The following RBFOX1 variants were observed in gnomAD, a reference collection of about 807,000 sequenced individuals.
RBFOX1 encodes the protein RNA binding fox-1 homolog 1.
A neutral mutation model predicts 57.7 loss-of-function variants in RBFOX1; 8 were observed. That is an observed-to-expected ratio of 0.14 (90% confidence interval 0.08 to 0.25). The LOEUF is 0.25. RBFOX1 is among the 10% of genes least tolerant of loss of function. The pLI is 1.00. For synonymous variants in RBFOX1, 326 were observed against 222.4 expected (o/e 1.47, Z -4.15); for missense variants, 611 against 548.5 (o/e 1.11, Z -1.14).
At chr16:6,375,521 A>C (rs953745587) in intron 2 of RBFOX1, among the ~76,000 whole-genome samples, 3 of 152,068 alleles carry the variant, frequency 2.0e-5, no homozygotes, top group African/African-American at 7.2e-5. Context: ...GAAAATGCCA[A>C]AGCCTGTGCA....
rs112783682 is a variant in RBFOX1 at position 7,438,317 on chromosome 16, G to A, written c.28-79830G>A. On this transcript the variant is annotated intron_variant, in intron 4 of 15. Coordinates refer to ENST00000550418, the MANE Select transcript of RBFOX1 (RefSeq NM_018723.4). Reference sequence around the variant, plus strand: ...GAGATTGTAAAGTGGATGTGAGGGGGTAAAGAGTGCTACTTTGGATGTCAG... The same window carrying A: ...GAGATTGTAAAGTGGATGTGAGGGGATAAAGAGTGCTACTTTGGATGTCAG... 1.2e-3 allele frequency among the ~76,000 whole-genome samples: 185 copies of A among 152,228 alleles called. 2 individuals carry two copies. Among genetic ancestry groups the A allele is most frequent in the South Asian group, 5.4e-3 (26 of 4,818 alleles).
intron 3 of RBFOX1, among the ~76,000 whole-genome samples, chr16:6,953,129 G>C (rs545938128): frequency 6.6e-6 from 1 of 152,096 alleles, no homozygotes; most frequent in East Asian, 1.9e-4. Context: ...GTAGAACTTA[G>C]GTGTATGTAT....
Position 5,467,182 on chromosome 16 carries a change from C to T in RBFOX1, c.220-34C>T, listed in dbSNP as rs2068978172. 2.1e-6 allele frequency: 3 copies of T among 1,446,530 alleles called. No homozygotes were observed. The African/African-American group carries it at 4.4e-5, about 21-fold the overall frequency. The allele number at this position is 1,446,530 out of a possible 1,614,324, so 89.6% of individuals were successfully genotyped here. A position where few individuals can be genotyped will look rare whatever the true frequency, so the allele number is the denominator to read the frequency against. On this transcript the variant is annotated intron_variant, in intron 1 of 2. Coordinates refer to the RBFOX1 transcript ENST00000585867. ...TGTAGACTCAATGTTTCTTCTCTCT[C>T]TCTCTCTCTCTCTCTTTTTTTTTTT... is the stretch of plus-strand genomic sequence containing the variant.
chr16:7,691,437 C>G (rs1055402411), intron 14 of RBFOX1, among the ~76,000 whole-genome samples: 1 of 139,936 alleles, frequency 7.1e-6, no homozygotes, highest in East Asian at 2.1e-4. Context: ...GGAAAGAAAA[C>G]GGAAAGGAAA....
intron 4 of RBFOX1, among the ~76,000 whole-genome samples, chr16:7,258,318 G>C (rs954228519): frequency 1.3e-5 from 2 of 152,112 alleles, no homozygotes; most frequent in Admixed American, 1.3e-4. Flanking sequence ...ACATTAAAAT[G>C]AGTGAAAATG....
At chr16:5,391,118 A>G (rs1025339629) in intron 1 of RBFOX1, among the ~76,000 whole-genome samples, 1 of 152,364 alleles carries the variant, frequency 6.6e-6, no homozygotes, top group Non-Finnish European at 1.5e-5. Context: ...AAAACCAGAC[A>G]TACACGTTAG....
At chr16:6,615,642 C>A (rs879646102) in intron 2 of RBFOX1, among the ~76,000 whole-genome samples, 1 of 152,036 alleles carries the variant, frequency 6.6e-6, no homozygotes, top group African/African-American at 2.4e-5. Context: ...AAATAAAGAA[C>A]TTCTTTCACA....
At chr16:6,639,771 CG>C (rs2098472368) in intron 2 of RBFOX1, among the ~76,000 whole-genome samples, 1 of 151,878 alleles carries the variant, frequency 6.6e-6, no homozygotes, top group Non-Finnish European at 1.5e-5. Flanking sequence ...CCCAGCTACT[CG>C]GGAGGCTGAG....
At chr16:6,189,813 C>T (rs1394082193) in intron 1 of RBFOX1, among the ~76,000 whole-genome samples, 1 of 152,098 alleles carries the variant, frequency 6.6e-6, no homozygotes, top group Non-Finnish European at 1.5e-5. Flanking sequence ...TGTGGTTTGT[C>T]TTTTCACATG....
At chr16:6,389,163 G>A (rs1174732550) in intron 2 of RBFOX1, among the ~76,000 whole-genome samples, 4 of 152,206 alleles carry the variant, frequency 2.6e-5, no homozygotes, top group Non-Finnish European at 5.9e-5. Context: ...GGAGGACTCA[G>A]ATGATGCATG....
At chr16:7,168,743 C>T (rs1010186754) in intron 4 of RBFOX1, among the ~76,000 whole-genome samples, 2 of 152,180 alleles carry the variant, frequency 1.3e-5, no homozygotes, top group African/African-American at 4.8e-5. Flanking sequence ...ATATCCATAA[C>T]ACATTATTTA....
At chr16:5,535,462 A>G (rs929844941) in intron 2 of RBFOX1, among the ~76,000 whole-genome samples, 1 of 152,204 alleles carries the variant, frequency 6.6e-6, no homozygotes, top group Admixed American at 6.5e-5. Context: ...TCCAAACCCA[A>G]GAAAACGTGA....
At chr16:7,480,303 T>C (rs535633304) in intron 4 of RBFOX1, among the ~76,000 whole-genome samples, 1 of 152,312 alleles carries the variant, frequency 6.6e-6, no homozygotes, top group South Asian at 2.1e-4. Flanking sequence ...CTTCTGTGTT[T>C]TCTGTCAATC....
chr16:5,442,505 G>A (rs560377383), intron 1 of RBFOX1, among the ~76,000 whole-genome samples: 4 of 152,344 alleles, frequency 2.6e-5, no homozygotes, highest in Admixed American at 2.6e-4. Context: ...GTGTACATGA[G>A]GCTGGTGAGG....
intron 3 of RBFOX1, among the ~76,000 whole-genome samples, chr16:5,827,771 C>T (rs184557503): frequency 4.4e-4 from 67 of 152,242 alleles, no homozygotes; most frequent in African/African-American, 1.6e-3. Context: ...CACTGTGTCT[C>T]TACAGTTTTT....
chr16:5,265,626 C>A (rs933268160), intron 1 of RBFOX1, among the ~76,000 whole-genome samples: 12 of 152,146 alleles, frequency 7.9e-5, no homozygotes, highest in Admixed American at 1.3e-4. Context: ...CTTTGAGATG[C>A]AGAAGTGTTT....
At chr16:7,392,483 T>C (rs1032978955) in intron 4 of RBFOX1, among the ~76,000 whole-genome samples, 3 of 152,184 alleles carry the variant, frequency 2.0e-5, no homozygotes, top group African/African-American at 7.2e-5. Context: ...AGGCACTCTT[T>C]ATGGTCCTAC....
intron 2 of RBFOX1, among the ~76,000 whole-genome samples, chr16:6,603,653 A>G (rs1342526857): frequency 6.6e-6 from 1 of 152,160 alleles, no homozygotes; most frequent in Non-Finnish European, 1.5e-5. Flanking sequence ...GTTATGCACC[A>G]CTAGGCTGAC....
intron 4 of RBFOX1, among the ~76,000 whole-genome samples, chr16:7,329,334 C>A (rs941511504): frequency 1.3e-5 from 2 of 152,176 alleles, no homozygotes; most frequent in Non-Finnish European, 2.9e-5. Context: ...ATTTAAAGTT[C>A]CTGCATTACA....
Sources: allele counts gnomAD v4.1 joint callset (sites outside exome capture counted in the v4.1 genomes callset), GRCh38; gene constraint gnomAD v4.1.1; transcripts MANE v1.5; gene names NCBI Gene and HGNC (gene_info 2026-07-23, HGNC 2026-07-21).